The following PKD1 variants were observed in gnomAD, a reference collection of about 807,000 sequenced individuals.
The protein encoded by PKD1 is polycystin 1, transient receptor potential channel interacting.
Under a neutral mutation model 361.7 loss-of-function variants are expected in PKD1, and 81 were observed. The ratio of observed to expected loss-of-function variants is 0.22; its 90% CI spans 0.19 to 0.27. The LOEUF is 0.27. PKD1 is among the 10% of genes least tolerant of loss of function. The probability of loss-of-function intolerance (pLI) is 1.00; values close to 1 mark genes in which losing one functional copy is unlikely to be tolerated. For missense variants in PKD1, 6,399 were observed against 6,118.3 expected (o/e 1.05, Z -1.53); for synonymous variants, 3,615 against 2,818.3 (o/e 1.28, Z -8.95).
chr16:2,108,924 G>C lies in PKD1; in HGVS notation c.6243C>G (p.Ala2081=), dbSNP rs370526001. 3.1e-6 allele frequency: 5 copies of C among 1,595,436 alleles called. No individual in the cohort carries two copies. Among genetic ancestry groups the C allele is most frequent in the Non-Finnish European group, 4.3e-6 (5 of 1,172,850 alleles). The change falls in exon 15 of 46, where the codon GCC becomes GCG. Residue 2081 remains alanine (A), a synonymous_variant. Transcript: ENST00000262304. Reference sequence around the variant, plus strand: ...CACGCCGGGGGCTGGGGCTGGTGGCGGCCTCAAACTGCGCCGAGCGGTTGG... The same window carrying C: ...CACGCCGGGGGCTGGGGCTGGTGGCCGCCTCAAACTGCGCCGAGCGGTTGG... ...CFTNRSAQFE[A]ATSPSPRRVA...
Position 2,093,949 on chromosome 16 carries a change from G to A in PKD1, c.10683C>T (p.Leu3561=), listed in dbSNP as rs1209244121. The change falls in exon 36 of 46, where the codon CTC becomes CTT. Residue 3561 remains leucine, a synonymous_variant. Transcript: ENST00000262304. ...CAGCCACAGCCACCAGGAGCAGGCT[G>A]AGCCCGTGGGCCAGGGAGGCACACC... ...PAWCASLAHG[L]SLLLVAVAVA... 1.9e-6 allele frequency: 3 copies of A among 1,586,348 alleles called. No individual in the cohort carries two copies. The highest frequency in any genetic ancestry group is 1.1e-5 in the South Asian group (1 of 88,202).
chr16:2,105,993 C>G lies in PKD1; in HGVS notation c.7735G>C (p.Gly2579Arg). Residue 2579 changes from glycine to arginine, a missense_variant, in exon 20 of 46, where the codon GGC (glycine) becomes CGC (arginine). Gly to Arg is a moderately radical substitution (Grantham distance 125, BLOSUM62 -2). Transcript: ENST00000262304. ...CAGACTGTGAGCCCCGTTGCGCTGC[C>G]GTTGGGCTCTGGGAGGGTGATGGCC... ...SLAITLPEPN[G>R]SATGLTVWLH... The G allele has an allele frequency of 1.9e-6, 3 of 1,604,136 alleles. No homozygotes were observed. The highest frequency in any genetic ancestry group is 2.5e-6 in the Non-Finnish European group (3 of 1,179,490).
chr16:2,110,963 C>T lies in PKD1; in HGVS notation c.4204G>A (p.Ala1402Thr). Residue 1402 changes from alanine (A) to threonine (T), a missense_variant, in exon 15 of 46, where the codon GCA (alanine) becomes ACA (threonine). Physicochemically the swap from Ala to Thr is moderately conservative, Grantham distance 58. Transcript: ENST00000262304. ...VQLGDEAWLV[A>T]CAWPPFPYRY... Reference sequence around the variant, plus strand: ...TAGGGGAACGGGGGCCAGGCACATGCCACCAGCCAGGCCTCGTCCCCGAGC... The same window carrying T: ...TAGGGGAACGGGGGCCAGGCACATGTCACCAGCCAGGCCTCGTCCCCGAGC... 3 of 1,610,646 alleles carry T rather than the reference C, an allele frequency of 1.9e-6. No homozygotes were observed. Among genetic ancestry groups the T allele is most frequent in the Non-Finnish European group, 2.5e-6 (3 of 1,179,666 alleles).
intron 34 of PKD1, 157 bp downstream of exon 34, chr16:2,096,991 C>G: frequency 1.6e-6 from 1 of 644,392 alleles, no homozygotes; most frequent in South Asian, 1.8e-5. Context: ...GAGGCTCTTT[C>G]CACAGACAAC....
At position 2,113,327 on chromosome 16, in the gene PKD1, G is replaced by A. The variant is rs1315981206; in HGVS notation, c.2854-35C>T. 2.5e-6 allele frequency: 4 copies of A among 1,594,814 alleles called. No homozygotes were observed. The East Asian group carries it at 8.9e-5, about 36-fold the overall frequency. ...GAATGGTGTCAGCCTGGGCTCTGTGGAGGACTCTGCCCTTAGCCTGTCGCC... is the reference window on the plus strand; with the variant it reads ...GAATGGTGTCAGCCTGGGCTCTGTGAAGGACTCTGCCCTTAGCCTGTCGCC... On this transcript the variant is annotated intron_variant, in intron 11 of 45. Coordinates refer to ENST00000262304, the MANE Select transcript of PKD1 (RefSeq NM_001009944.3).
chr16:2,119,388 G>C lies in PKD1; in HGVS notation c.216-10C>G, dbSNP rs909702373. 3.4e-6 allele frequency: 5 copies of C among 1,472,020 alleles called. No individual in the cohort carries two copies. Among genetic ancestry groups the C allele is most frequent in the Admixed American group, 3.9e-5 (2 of 50,920 alleles). 91.2% of individuals were successfully genotyped at this position (1,472,020 alleles called of 1,614,324 possible). A position where few individuals can be genotyped will look rare whatever the true frequency, so the allele number is the denominator to read the frequency against. Reference sequence around the variant, plus strand: ...GTTGTGGGAGACGTCTCTGAGGAGTGAGTGGCCGTGGGTCAGGGCCAGAGC... The same window carrying C: ...GTTGTGGGAGACGTCTCTGAGGAGTCAGTGGCCGTGGGTCAGGGCCAGAGC... On this transcript the variant is annotated splice_polypyrimidine_tract_variant and intron_variant, in intron 1 of 45. Transcript: ENST00000262304.
Position 2,090,337 on chromosome 16 carries a change from T to C in PKD1, c.12392A>G (p.Glu4131Gly). The C allele has an allele frequency of 6.2e-7, 1 of 1,612,144 alleles. No individual in the cohort carries two copies. ...GAGGCGCAGCCTGCGCAGGAACAAC[T>C]CCACCATCTCGTAGTCCTGGGGCTC... ...AWEPQDYEMV[E>G]LFLRRLRLWM... Residue 4131 changes from glutamate to glycine, a missense_variant, in exon 45 of 46, where the codon GAG (glutamate) becomes GGG (glycine). Transcript: ENST00000262304.
chr16:2,120,229 T>C (rs1241169963), intron 1 of PKD1: 1 of 228,996 alleles, frequency 4.4e-6, no homozygotes. Context: ...AATAAATACA[T>C]ACATAATTAA....
rs776920496 is a variant in PKD1, at chr16:2,113,287, G to A, written c.2859C>T (p.Tyr953=). 2.5e-6 allele frequency: 4 copies of A among 1,594,820 alleles called. No homozygotes were observed. The African/African-American group carries it at 5.4e-5, about 21-fold the overall frequency. The change falls in exon 12 of 46, where the codon TAC becomes TAT. Residue 953 remains tyrosine, a synonymous_variant. Transcript: ENST00000262304. ...ARVLQGVLVR[Y]SPVVEAGSDM... is the part of the protein sequence containing the mutation. The stretch of plus-strand genomic sequence containing the variant: ...CCGAGCCGGCCTCCACCACGGGGCT[G>A]TACCTCTGCGGGGGGAATGGTGTCA...
At chr16:2,123,098 G>T (rs1457861842) in intron 1 of PKD1, among the ~76,000 whole-genome samples, 1 of 152,182 alleles carries the variant, frequency 6.6e-6, no homozygotes, top group African/African-American at 2.4e-5. Flanking sequence ...ACCAGGCCTG[G>T]GGGTGCCATG....
In PKD1 at chr16:2,113,952, G is replaced by T. The variant is rs193040590; in HGVS notation, c.2853+218C>A. 6.3e-5 allele frequency: 38 copies of T among 598,510 alleles called. No individual in the cohort carries two copies. The Admixed American group carries it at 1.0e-3, about 16-fold the overall frequency. 37.1% of individuals were successfully genotyped at this position (598,510 alleles called of 1,614,324 possible). Reference sequence around the variant, plus strand: ...ATTCATTTTGTGAAATGAGACAGTGGAATGAGTTAGCGGAGCCACTGTCAG... The same window carrying T: ...ATTCATTTTGTGAAATGAGACAGTGTAATGAGTTAGCGGAGCCACTGTCAG... On this transcript the variant is annotated intron_variant, in intron 11 of 45. Transcript: ENST00000262304.
chr16:2,108,378 G>A lies in PKD1; in HGVS notation c.6789C>T (p.Gly2263=). The A allele has an allele frequency of 6.2e-7, 1 of 1,610,584 alleles. No homozygotes were observed. Residue 2263 remains glycine, a synonymous_variant, in exon 15 of 46, where the codon GGC becomes GGT. Transcript: ENST00000262304. The part of the protein sequence containing the change: ...PERLVPIIEG[G]SYRVWSDTRD... ...GTGTGTCTGACCACACGCGGTATGA[G>A]CCACCCTCAATGATGGGCACCAGGC... is the stretch of plus-strand genomic sequence containing the variant.
Position 2,115,457 on chromosome 16 carries a change from G to A in PKD1, c.2018C>T (p.Pro673Leu), listed in dbSNP as rs766914700. 31 of 1,599,918 alleles carry A rather than the reference G, an allele frequency of 1.9e-5. No individual in the cohort carries two copies. Among genetic ancestry groups the A allele is most frequent in the Non-Finnish European group, 2.6e-5 (31 of 1,174,856 alleles). ...QACANGCTSG[P>L]GLPGAPYALW... ...CGCATAGGGGGCCCCGGGTAGCCCT[G>A]GCCCTGACGTGCAGCCATTGGCGCA... The change falls in exon 10 of 46, where the codon CCA (proline) becomes CTA (leucine). Residue 673 changes from proline to leucine, a missense_variant. Pro to Leu is a moderately conservative substitution (Grantham distance 98, BLOSUM62 -3). Coordinates refer to ENST00000262304, the MANE Select transcript of PKD1 (RefSeq NM_001009944.3).
chr16:2,093,890 G>A lies in PKD1; in HGVS notation c.10742C>T (p.Pro3581Leu), dbSNP rs376534606. The change falls in exon 36 of 46, where the codon CCC becomes CTC. Residue 3581 changes from proline (P) to leucine (L), a missense_variant. Pro to Leu is a moderately conservative substitution (Grantham distance 98). Transcript: ENST00000262304. ...GAGCCACGCAACACTCACGCCCGGGGGGAAGCTCGCACCCACCCACCCTGA... is the reference window on the plus strand; with the variant it reads ...GAGCCACGCAACACTCACGCCCGGGAGGAAGCTCGCACCCACCCACCCTGA... The part of the protein sequence containing the change: ...AVSGWVGASF[P>L]PGVSVAWLLS... The A allele has an allele frequency of 3.2e-6, 5 of 1,578,470 alleles. No individual in the cohort carries two copies. Among genetic ancestry groups the A allele is most frequent in the Admixed American group, 3.5e-5 (2 of 56,982 alleles).
intron 42 of PKD1, 88 bp from the exon 43 acceptor site, chr16:2,091,262 ACGAGGGGGCGGGACGCTGCCGGGG>A: frequency 1.5e-5 from 2 of 129,248 alleles, no homozygotes; most frequent in Non-Finnish European, 2.3e-5. Context: ...GCGGGGCCCT[ACGAGGGGGCGGGACGCTGCCGGGG>A]CGGGGCCCTG....
Position 2,093,641 on chromosome 16 carries a change from C to T in PKD1, c.10919G>A (p.Ser3640Asn), listed in dbSNP as rs1274547595. 1 of 1,609,576 alleles carries T rather than the reference C, an allele frequency of 6.2e-7. No individual in the cohort carries two copies. Among genetic ancestry groups the T allele is most frequent in the Non-Finnish European group, 8.5e-7 (1 of 1,178,402 alleles). ...TGGCCGTACGCGGGGCACACGTGCG[C>T]TCACAGGCGTCACAGCCGGGCTCTC... Reference protein sequence around the residue: ...LVESPAVTPVSARVPRVRPPH... With the variant: ...LVESPAVTPVNARVPRVRPPH... Residue 3640 changes from serine (S) to asparagine (N), a missense_variant, in exon 37 of 46, where the codon AGC becomes AAC. Ser to Asn is a conservative substitution (Grantham distance 46, BLOSUM62 1). Transcript: ENST00000262304.
Position 2,094,108 on chromosome 16 carries a change from C to T in PKD1, c.10602G>A (p.Ala3534=), listed in dbSNP as rs572474052. ...PGLNWEQPQA[A]RLSRTGLVEG... ...CAAGCACACCTGTCCTGGACAGCCT[C>T]GCTGCCTGGGGCTGTTCCCAGTTCA... The change falls in exon 35 of 46, where the codon GCG becomes GCA. Residue 3534 remains alanine, a synonymous_variant. Coordinates refer to ENST00000262304, the MANE Select transcript of PKD1 (RefSeq NM_001009944.3). The T allele has an allele frequency of 6.3e-5, 101 of 1,592,112 alleles. No individual in the cohort carries two copies. Among genetic ancestry groups the T allele is most frequent in the Non-Finnish European group, 8.0e-5 (93 of 1,168,890 alleles).
In PKD1 at chr16:2,093,752, G is replaced by A. The variant is rs7192711; in HGVS notation, c.10822-14C>T. The A allele has an allele frequency of 6.2e-3, 9,750 of 1,570,898 alleles. 483 individuals are homozygous for A. The African/African-American group carries it at 0.11, about 18-fold the overall frequency. On this transcript the variant is annotated splice_polypyrimidine_tract_variant and intron_variant, in intron 36 of 45. Transcript: ENST00000262304. ...TTCCAGCAAGACCTGGGGAGGGGGT[G>A]GCTTCAGAGGGGTCCCCCGTGATGG...
intron 1 of PKD1, among the ~76,000 whole-genome samples, chr16:2,131,087 C>G (rs1352109247): frequency 6.6e-6 from 1 of 152,248 alleles, no homozygotes; most frequent in African/African-American, 2.4e-5. Context: ...AAAGCACACA[C>G]TCACAGCACC....
Sources: gnomAD v4.1 joint callset for allele counts (sites outside exome capture counted in the v4.1 genomes callset) on GRCh38, gnomAD v4.1.1 for gene constraint, MANE v1.5 for transcripts, NCBI Gene and HGNC (gene_info 2026-07-23, HGNC 2026-07-21) for gene names.